The following FKBP15 variants were observed in gnomAD, a reference collection of about 807,000 sequenced individuals.
The protein encoded by FKBP15 is FK506-binding protein 15.
In FKBP15, 106 loss-of-function variants were observed where a neutral mutation model predicts 158.1. The observed-to-expected ratio is 0.67, with a 90% CI of 0.57 to 0.79. FKBP15 has a LOEUF of 0.79. FKBP15 is among the 30% of genes least tolerant of loss of function. FKBP15 has a pLI of 0.00. For synonymous variants in FKBP15, 547 were observed against 548.6 expected, an observed-to-expected ratio of 1.00 and a Z score of 0.04; for missense variants, 1,287 against 1,479.1, an observed-to-expected ratio of 0.87 and a Z score of 2.13.
At chr9:113,200,885 A>C (rs1830776245) in intron 6 of FKBP15, among the ~76,000 whole-genome samples, 1 of 151,910 alleles carries the variant, frequency 6.6e-6, no homozygotes, top group Non-Finnish European at 1.5e-5. Context: ...CTCTACTAAA[A>C]ATACAAAAAT....
chr9:113,205,749 C>T (rs116129136), intron 4 of FKBP15, among the ~76,000 whole-genome samples: 2,717 of 152,048 alleles, frequency 0.018, 85 homozygotes, highest in African/African-American at 0.063. Flanking sequence ...TCCCAATAGA[C>T]AAAAGGTATA....
intron 14 of FKBP15, chr9:113,187,304 C>T (rs1202193168): frequency 1.2e-5 from 2 of 161,364 alleles, no homozygotes; most frequent in East Asian, 1.9e-4. Flanking sequence ...TCTGCTACCC[C>T]TGGCAAACAG....
intron 13 of FKBP15, among the ~76,000 whole-genome samples, 167 bp downstream of exon 13, chr9:113,188,222 G>C (rs1047814668): frequency 6.6e-6 from 1 of 152,098 alleles, no homozygotes; most frequent in East Asian, 1.9e-4. Flanking sequence ...TCCATCTCTG[G>C]GTATGAAAAT....
chr9:113,179,834 T>C (rs1470242840), intron 19 of FKBP15, among the ~76,000 whole-genome samples: 4 of 152,154 alleles, frequency 2.6e-5, no homozygotes, highest in African/African-American at 9.7e-5. Context: ...TCTGAGAGTA[T>C]ATGTAACCTT....
At chr9:113,173,911 A>G (rs993124664) in intron 22 of FKBP15, among the ~76,000 whole-genome samples, 1 of 152,050 alleles carries the variant, frequency 6.6e-6, no homozygotes, top group Non-Finnish European at 1.5e-5. Flanking sequence ...AGGTTCAGAA[A>G]CTTTTTTTCA....
chr9:113,161,799 G>A lies in FKBP15; in HGVS notation c.*4279C>T, dbSNP rs1272965649. 8 of 1,326,686 alleles carry A rather than the reference G, an allele frequency of 6.0e-6. No homozygotes were observed. Among genetic ancestry groups the A allele is most frequent in the South Asian group, 2.4e-5 (2 of 83,586 alleles). The allele number at this position is 1,326,686 out of a possible 1,614,324, so 82.2% of individuals were successfully genotyped here. A position where few individuals can be genotyped will look rare whatever the true frequency, so the allele number is the denominator to read the frequency against. ...AGCCCCACTTCACAGAGAGGACAGC[G>A]AGGCCCAGGGAAGGACCAGGACTTG... On this transcript the variant is annotated 3_prime_UTR_variant, in exon 28 of 28. Transcript: ENST00000238256.
chr9:113,196,891 G>A, intron 9 of FKBP15, 41 bp downstream of exon 9: 1 of 1,601,864 alleles, frequency 6.2e-7, no homozygotes, highest in Non-Finnish European at 8.5e-7. Context: ...AAAGAGACAG[G>A]CAGAGGACTC....
Position 113,162,868 on chromosome 9 carries a change from G to C in FKBP15, c.*3210C>G, listed in dbSNP as rs1830037735. 1 of 1,613,218 alleles carries C rather than the reference G, an allele frequency of 6.2e-7. No homozygotes were observed. Among genetic ancestry groups the C allele is most frequent in the African/African-American group, 1.3e-5 (1 of 74,878 alleles). On this transcript the variant is annotated 3_prime_UTR_variant, in exon 28 of 28. Coordinates refer to ENST00000238256, the MANE Select transcript of FKBP15 (RefSeq NM_015258.2). ...TGGATTTTCCTTGGTGTGGTCTTGG[G>C]CTCTGCTGTGGGCTACTACCTAGCT...
chr9:113,175,459 G>C (rs368699618), intron 21 of FKBP15, among the ~76,000 whole-genome samples: 10 of 152,122 alleles, frequency 6.6e-5, no homozygotes, highest in African/African-American at 2.4e-4. Flanking sequence ...GGCCAAAACA[G>C]CTTTACCTAA....
chr9:113,171,537 G>C, intron 24 of FKBP15, 44 bp downstream of exon 24: 2 of 1,590,272 alleles, frequency 1.3e-6, no homozygotes, highest in South Asian at 2.3e-5. Context: ...CTTTCTGAAT[G>C]CTTGATATAA....
intron 6 of FKBP15, 23 bp from the exon 7 acceptor site, chr9:113,199,986 C>A: frequency 1.2e-6 from 2 of 1,603,584 alleles, no homozygotes; most frequent in Non-Finnish European, 1.7e-6. Flanking sequence ...ATCAAAGCAG[C>A]ATAAATGTAG....
Position 113,169,588 on chromosome 9 carries a change from G to C in FKBP15, c.3121C>G (p.Pro1041Ala). The change falls in exon 26 of 28, where the codon CCG (proline) becomes GCG (alanine). Residue 1041 changes from proline (P) to alanine (A), a missense_variant. Pro to Ala is a conservative substitution (Grantham distance 27). Transcript: ENST00000238256. ...CIPSHRVLGP[P>A]TSIPPEPLGP... Reference sequence around the variant, plus strand: ...AGGGGCTCAGGTGGAATTGAAGTCGGGGGCCCTAGAACTCTGTGGGATGGG... The same window carrying C: ...AGGGGCTCAGGTGGAATTGAAGTCGCGGGCCCTAGAACTCTGTGGGATGGG... 6.2e-7 allele frequency: 1 copy of C among 1,614,046 alleles called. No individual in the cohort carries two copies. Among genetic ancestry groups the C allele is most frequent in the Non-Finnish European group, 8.5e-7 (1 of 1,179,906 alleles).
rs771450836 is a variant in FKBP15 at position 113,196,925 on chromosome 9, C to T, written c.864+7G>A. 6.2e-7 allele frequency: 1 copy of T among 1,613,456 alleles called. No homozygotes were observed. The highest frequency in any genetic ancestry group is 8.5e-7 in the Non-Finnish European group (1 of 1,179,460). On this transcript the variant is annotated splice_region_variant and intron_variant, in intron 9 of 27. Coordinates refer to ENST00000238256, the MANE Select transcript of FKBP15 (RefSeq NM_015258.2). Reference sequence around the variant, plus strand: ...TCATCAAACAAAACACAGAGAGTTTCACTCACCCGCCTAACCTCCACCTCG... The same window carrying T: ...TCATCAAACAAAACACAGAGAGTTTTACTCACCCGCCTAACCTCCACCTCG...
chr9:113,182,907 C>A, intron 18 of FKBP15, 39 bp from the exon 19 acceptor site: 1 of 1,545,712 alleles, frequency 6.5e-7, no homozygotes, highest in Non-Finnish European at 8.9e-7. Flanking sequence ...ATTTATCAAG[C>A]ACTGAGTGTA....
chr9:113,200,682 G>A (rs905413532), intron 6 of FKBP15, among the ~76,000 whole-genome samples: 4 of 152,106 alleles, frequency 2.6e-5, no homozygotes, highest in African/African-American at 9.7e-5. Flanking sequence ...GAAAAATGTG[G>A]ATTTGAGACC....
intron 4 of FKBP15, among the ~76,000 whole-genome samples, chr9:113,203,491 T>A (rs1830831533): frequency 6.6e-6 from 1 of 151,862 alleles, no homozygotes; most frequent in Non-Finnish European, 1.5e-5. Flanking sequence ...CACCCTGAGA[T>A]AACCAATATT....
intron 2 of FKBP15, 51 bp from the exon 3 acceptor site, chr9:113,207,347 A>ATTTTTTTTTTTTTT: frequency 2.1e-6 from 3 of 1,407,310 alleles, no homozygotes; most frequent in Admixed American, 1.8e-5. Flanking sequence ...GCTTTAAACT[A>ATTTTTTTTTTTTTT]ATTTTTTTTA....
rs71491083 is a variant in FKBP15, at chr9:113,216,904, C to CTT, written c.53+4285_53+4286dup. ...TTAGTTTTCAGATTAATTCCATTTTCTTTTTTTTTTTTTTTTTTGAGACGG... is the reference window on the plus strand; with the variant it reads ...TTAGTTTTCAGATTAATTCCATTTTCTTTTTTTTTTTTTTTTTTTTGAGACGG... On this transcript the variant is annotated intron_variant, in intron 1 of 27. Coordinates refer to ENST00000238256, the MANE Select transcript of FKBP15 (RefSeq NM_015258.2). 1.3e-3 allele frequency among the ~76,000 whole-genome samples: 172 copies of CTT among 131,760 alleles called. 1 individual carries two copies. The highest frequency in any genetic ancestry group is 4.0e-3 in the Admixed American group (51 of 12,832). 86.4% of individuals were successfully genotyped at this position (131,760 alleles called of 152,430 possible). A position where few individuals can be genotyped will look rare whatever the true frequency, so the allele number is the denominator to read the frequency against.
chr9:113,169,992 A>G, intron 25 of FKBP15, 50 bp from the exon 26 acceptor site: 2 of 1,481,176 alleles, frequency 1.4e-6, no homozygotes, highest in Non-Finnish European at 1.8e-6. Context: ...CACAGTAGCC[A>G]CTCCTAATTC....
Sources: gnomAD v4.1 joint callset for allele counts (sites outside exome capture counted in the v4.1 genomes callset) on GRCh38, gnomAD v4.1.1 for gene constraint, MANE v1.5 for transcripts, NCBI Gene and HGNC (gene_info 2026-07-23, HGNC 2026-07-21) for gene names.